The following TRPM2 variants were observed in gnomAD, a reference collection of about 807,000 sequenced individuals.
TRPM2 encodes estrogen-responsive element-associated gene 1 protein.
In TRPM2, 161 loss-of-function variants were observed where a neutral mutation model predicts 174.0. The ratio of observed to expected loss-of-function variants is 0.93; its 90% confidence interval spans 0.81 to 1.05. The LOEUF (loss-of-function observed/expected upper bound fraction) is 1.05, where lower values mean the gene tolerates loss of function less well. TRPM2 is among the 50% of genes least tolerant of loss of function. TRPM2 has a pLI of 0.00. For missense variants in TRPM2, 2,057 were observed against 2,038.0 expected (o/e 1.01, Z -0.18); for synonymous variants, 954 against 861.3 (o/e 1.11, Z -1.88).
intron 9 of TRPM2, 61 bp downstream of exon 9, chr21:44,382,881 C>T: frequency 6.9e-7 from 1 of 1,456,478 alleles, no homozygotes. Context: ...TCTGAGGACG[C>T]CAAGTTCTAG....
At chr21:44,419,477 C>T (rs184159037) in intron 22 of TRPM2, among the ~76,000 whole-genome samples, 4 of 103,288 alleles carry the variant, frequency 3.9e-5, no homozygotes, top group African/African-American at 7.2e-5. Context: ...GATCTGCTAA[C>T]GTGGCTGGTG....
At chr21:44,403,679 A>G (rs996918155) in intron 16 of TRPM2, among the ~76,000 whole-genome samples, 16 of 151,650 alleles carry the variant, frequency 1.1e-4, no homozygotes, top group Non-Finnish European at 1.2e-4. Context: ...ACACATGCAT[A>G]CACATACATG....
rs757300454 is a variant in TRPM2, at chr21:44,432,470, A to C, written c.3975-2661A>C. 1.1e-4 allele frequency among the ~76,000 whole-genome samples: 17 copies of C among 152,184 alleles called. No individual in the cohort carries two copies. Among genetic ancestry groups the C allele is most frequent in the African/African-American group, 1.9e-4 (8 of 41,420 alleles). On this transcript the variant is annotated intron_variant, in intron 27 of 31. Transcript: ENST00000397928. This position sits in a 1 kb window ranked among gnomAD's most constrained non-coding sequence, Gnocchi z 4.9. ...CACCTGCAGACACTATTTCTGAACAAGGCCAGATTCTGAGGTTCTGGGAAG... is the reference window on the plus strand; with the variant it reads ...CACCTGCAGACACTATTTCTGAACACGGCCAGATTCTGAGGTTCTGGGAAG...
chr21:44,395,592 A>G, intron 12 of TRPM2, 41 bp downstream of exon 12: 1 of 1,610,268 alleles, frequency 6.2e-7, no homozygotes, highest in Non-Finnish European at 8.5e-7. Context: ...ACACAGCTAT[A>G]GGCCAGCGGC....
At position 44,388,650 on chromosome 21, in the gene TRPM2, CAAA is replaced by C. The variant is rs60322957; in HGVS notation, c.1319-2235_1319-2233del. On this transcript the variant is annotated intron_variant, in intron 9 of 31. Transcript: ENST00000397928. Reference sequence around the variant, plus strand: ...GGCAACATGGAGAACCCTGTCACTACAAAAAAAAAAAAAAAAAAAAACTAGTCA... The same window carrying C: ...GGCAACATGGAGAACCCTGTCACTACAAAAAAAAAAAAAAAAAACTAGTCA... 5.1e-3 allele frequency among the ~76,000 whole-genome samples: 420 copies of C among 83,002 alleles called. 1 individual carries two copies. Among genetic ancestry groups the C allele is most frequent in the African/African-American group, 0.013 (344 of 25,646 alleles). The allele number at this position is 83,002 out of a possible 152,430, so 54.5% of individuals were successfully genotyped here. A position where few individuals can be genotyped will look rare whatever the true frequency, so the allele number is the denominator to read the frequency against.
intron 19 of TRPM2, among the ~76,000 whole-genome samples, chr21:44,406,972 G>T (rs924391182): frequency 6.7e-6 from 1 of 149,932 alleles, no homozygotes; most frequent in Non-Finnish European, 1.5e-5. Flanking sequence ...GAGGAGGGGG[G>T]CCTGGTGGGG....
At chr21:44,373,585 G>T (rs188509238) in intron 5 of TRPM2, among the ~76,000 whole-genome samples, 1 of 106,150 alleles carries the variant, frequency 9.4e-6, no homozygotes, top group Non-Finnish European at 2.3e-5. Flanking sequence ...CATTATATGC[G>T]ACCTGCATTA....
chr21:44,391,746 T>C lies in TRPM2; in HGVS notation c.1794+121T>C. ...ATTAGAAAAGACACATGCTCTATCT[T>C]AGGCTGCTTGGGCTGCTGTAACAAA... On this transcript the variant is annotated intron_variant, in intron 11 of 31. Coordinates refer to ENST00000397928, the MANE Select transcript of TRPM2 (RefSeq NM_003307.4). This position sits in a 1 kb window ranked among gnomAD's most constrained non-coding sequence, Gnocchi z 5.0. 1.0e-6 allele frequency: 1 copy of C among 976,190 alleles called. No homozygotes were observed. Among genetic ancestry groups the C allele is most frequent in the Non-Finnish European group, 1.5e-6 (1 of 687,090 alleles). The allele number at this position is 976,190 out of a possible 1,614,324, so 60.5% of individuals were successfully genotyped here. A position where few individuals can be genotyped will look rare whatever the true frequency, so the allele number is the denominator to read the frequency against.
chr21:44,402,058 G>A (rs545124238), intron 16 of TRPM2, among the ~76,000 whole-genome samples, 161 bp downstream of exon 16: 50 of 152,172 alleles, frequency 3.3e-4, no homozygotes, highest in Middle Eastern at 3.4e-3. Context: ...TGGCTGGGGC[G>A]CTGCCCTCCA....
chr21:44,418,240 C>A, intron 21 of TRPM2, 132 bp downstream of exon 21: 1 of 1,396,792 alleles, frequency 7.2e-7, no homozygotes, highest in South Asian at 1.4e-5. Context: ...TGCTGGCCTT[C>A]TGCTGGCCTT....
upstream of TRPM2, among the ~76,000 whole-genome samples, chr21:44,351,080 G>T (rs2047920002): frequency 6.6e-6 from 1 of 152,250 alleles, no homozygotes; most frequent in Non-Finnish European, 1.5e-5. Context: ...TCCCAGTCCT[G>T]CTGGTGCCAG....
chr21:44,395,003 G>A (rs1048587433), intron 11 of TRPM2, among the ~76,000 whole-genome samples: 1 of 152,160 alleles, frequency 6.6e-6, no homozygotes, highest in South Asian at 2.1e-4. Flanking sequence ...TTTCCTAGTG[G>A]CCTCTCTGCC....
chr21:44,438,339 C>T lies in TRPM2; in HGVS notation c.4168-728C>T, dbSNP rs1601267773. 1.3e-5 allele frequency among the ~76,000 whole-genome samples: 2 copies of T among 152,278 alleles called. No individual in the cohort carries two copies. Among genetic ancestry groups the T allele is most frequent in the East Asian group, 1.9e-4 (1 of 5,172 alleles). On this transcript the variant is annotated intron_variant, in intron 29 of 31. Transcript: ENST00000397928. This position sits in a 1 kb window ranked among gnomAD's most constrained non-coding sequence, Gnocchi z 5.9. ...GGTGCGTGGAGTTGGGTTTGGGGGT[C>T]CCACTCACTGGCATCCCTGTCAGCT...
rs367686077 is a variant in TRPM2, at chr21:44,379,195, A to C, written c.1213A>C (p.Lys405Gln). 1.2e-4 allele frequency: 200 copies of C among 1,612,442 alleles called. No homozygotes were observed. Among genetic ancestry groups the C allele is most frequent in the Non-Finnish European group, 1.6e-4 (190 of 1,179,940 alleles). ...AAGCAGGATTGTCGAGTGGACCAAAAAGGTGAGGCTGACGGGCACGACGGT... is the reference window on the plus strand; with the variant it reads ...AAGCAGGATTGTCGAGTGGACCAAACAGGTGAGGCTGACGGGCACGACGGT... ...TESRIVEWTK[K>Q]IQDIVRRRQL... The change falls in exon 8 of 32, where the codon AAG becomes CAG. Residue 405 changes from lysine to glutamine, a missense_variant and splice_region_variant. Transcript: ENST00000397928.
intron 13 of TRPM2, among the ~76,000 whole-genome samples, chr21:44,398,111 T>C (rs545749713): frequency 1.1e-3 from 160 of 152,234 alleles, no homozygotes; most frequent in African/African-American, 3.4e-3. Flanking sequence ...GACAGCGAGA[T>C]TGCAATAGAG....
chr21:44,387,982 GAC>G (rs1332913094), intron 9 of TRPM2, among the ~76,000 whole-genome samples: 2 of 152,148 alleles, frequency 1.3e-5, no homozygotes, highest in Non-Finnish European at 2.9e-5. Context: ...AAAACAGGAT[GAC>G]AGTTCCTTAA....
chr21:44,440,811 A>G lies in TRPM2; in HGVS notation c.4292A>G (p.Asp1431Gly), dbSNP rs776134566. Reference sequence around the variant, plus strand: ...CAGGTGTACAAAGGCTACATGGATGACCCGAGGAACACGGACAATGCCTGG... The same window carrying G: ...CAGGTGTACAAAGGCTACATGGATGGCCCGAGGAACACGGACAATGCCTGG... The part of the protein sequence containing the change: ...GMEVYKGYMD[D>G]PRNTDNAWIE... The change falls in exon 31 of 32, where the codon GAC (aspartate) becomes GGC (glycine). Residue 1431 changes from aspartate (D) to glycine (G), a missense_variant. By Grantham distance (94) the Asp-to-Gly change is moderately conservative. Transcript: ENST00000397928. 39 of 1,613,736 alleles carry G rather than the reference A, an allele frequency of 2.4e-5. No individual in the cohort carries two copies. The highest frequency in any genetic ancestry group is 2.0e-4 in the Admixed American group (12 of 60,002).
At chr21:44,418,171 T>C (rs2146346484) in intron 21 of TRPM2, 63 bp downstream of exon 21, 1 of 1,554,034 alleles carries the variant, frequency 6.4e-7, no homozygotes, top group Non-Finnish European at 8.7e-7. Flanking sequence ...GGGGTGGAGA[T>C]GGCATGGCAG....
At chr21:44,401,478 C>T (rs45620638) in intron 15 of TRPM2, among the ~76,000 whole-genome samples, 6,188 of 152,190 alleles carry the variant, frequency 0.041, 189 homozygotes, top group Non-Finnish European at 0.062. Context: ...AGCCCCACCC[C>T]GGTGGCTGTG....
Sources: allele counts gnomAD v4.1 joint callset (sites outside exome capture counted in the v4.1 genomes callset), GRCh38; gene constraint gnomAD v4.1.1; non-coding constraint Gnocchi (gnomAD v3.1); transcripts MANE v1.5; gene names NCBI Gene and HGNC (gene_info 2026-07-23, HGNC 2026-07-21).